The following FOCAD variants were observed in gnomAD, a reference collection of about 807,000 sequenced individuals.
FOCAD encodes focadhesin, also known as KIAA1797.
In FOCAD, 198 loss-of-function variants were observed where a neutral mutation model predicts 225.6. The ratio of observed to expected loss-of-function variants is 0.88; its 90% CI spans 0.78 to 0.99. The LOEUF is 0.99. Ranked by LOEUF, FOCAD falls within the 50% of genes least tolerant of loss-of-function variation. The pLI is 0.00. For synonymous variants in FOCAD, 897 were observed against 755.0 expected (o/e 1.19, Z -3.08); for missense variants, 2,713 against 2,123.6 (o/e 1.28, Z -5.46).
intron 5 of FOCAD, among the ~76,000 whole-genome samples, chr9:20,753,132 C>A (rs1045759648): frequency 1.3e-5 from 2 of 152,124 alleles, no homozygotes; most frequent in African/African-American, 4.8e-5. Context: ...TCCTCTTTTC[C>A]TAACTGAATA....
At chr9:20,662,738 C>T (rs1212997730) in intron 2 of FOCAD, among the ~76,000 whole-genome samples, 5 of 152,258 alleles carry the variant, frequency 3.3e-5, no homozygotes, top group African/African-American at 7.2e-5. Flanking sequence ...GCGTGAGCCA[C>T]GGCACCCAGC....
At chr9:20,966,050 C>A (rs1422057787) in intron 35 of FOCAD, among the ~76,000 whole-genome samples, 2 of 151,932 alleles carry the variant, frequency 1.3e-5, no homozygotes, top group Admixed American at 6.6e-5. Flanking sequence ...ATATATATAT[C>A]TAGAAGTGGA....
chr9:20,749,468 T>G lies in FOCAD; in HGVS notation c.393-8622T>G, dbSNP rs548653034. Among the ~76,000 whole-genome samples the G allele has an allele frequency of 1.6e-4, 25 of 152,304 alleles. 1 individual carries two copies. In the East Asian group the frequency reaches 4.8e-3, roughly 29 times the overall value. ...TATTATTTCTTCTTTATAGTGATAT[T>G]CATGGTGGAATCTTCATAATTTTTC... On this transcript the variant is annotated intron_variant, in intron 5 of 43. Coordinates refer to ENST00000338382, the MANE Select transcript of FOCAD (RefSeq NM_001375567.1).
intron 2 of FOCAD, among the ~76,000 whole-genome samples, chr9:20,667,259 A>T (rs1010331231): frequency 6.6e-6 from 1 of 152,228 alleles, no homozygotes; most frequent in Non-Finnish European, 1.5e-5. Context: ...TCACTACTCA[A>T]AATACTCTGA....
At position 20,926,178 on chromosome 9, in the gene FOCAD, G is replaced by A. The variant is rs925836646; in HGVS notation, c.2962-123G>A. 8 of 625,600 alleles carry A rather than the reference G, an allele frequency of 1.3e-5. 1 individual carries two copies. Among genetic ancestry groups the A allele is most frequent in the South Asian group, 5.8e-5 (3 of 51,322 alleles). The allele number at this position is 625,600 out of a possible 1,614,324, so 38.8% of individuals were successfully genotyped here. A position where few individuals can be genotyped will look rare whatever the true frequency, so the allele number is the denominator to read the frequency against. ...GTGCATGCTTATAGTCCAAGCAGATGAAGTTTACTTTTTGATAACAGCACT... is the reference window on the plus strand; with the variant it reads ...GTGCATGCTTATAGTCCAAGCAGATAAAGTTTACTTTTTGATAACAGCACT... On this transcript the variant is annotated intron_variant, in intron 25 of 43. Coordinates refer to ENST00000338382, the MANE Select transcript of FOCAD (RefSeq NM_001375567.1).
intron 35 of FOCAD, among the ~76,000 whole-genome samples, chr9:20,968,768 CACTCTAA>C (rs1178502331): frequency 4.6e-5 from 7 of 151,912 alleles, no homozygotes; most frequent in African/African-American, 1.5e-4. Context: ...TAATTATCTC[CACTCTAA>C]ACTTTATTAT....
chr9:20,967,853 A>C (rs1463251654), intron 35 of FOCAD, among the ~76,000 whole-genome samples: 1 of 152,090 alleles, frequency 6.6e-6, no homozygotes, highest in Non-Finnish European at 1.5e-5. Flanking sequence ...AATCTTTTTA[A>C]TATGCTGTTG....
intron 42 of FOCAD, 97 bp downstream of exon 42, chr9:20,990,471 A>G (rs527669339): frequency 1.4e-6 from 2 of 1,403,914 alleles, no homozygotes; most frequent in Admixed American, 2.1e-5. Context: ...TGCGTCTTGA[A>G]TCACACCACA....
chr9:20,737,145 C>T (rs988933748), intron 4 of FOCAD, among the ~76,000 whole-genome samples: 3 of 152,084 alleles, frequency 2.0e-5, no homozygotes, highest in Non-Finnish European at 4.4e-5. Context: ...TCTGGATCCA[C>T]AGATAAGAGT....
chr9:20,668,649 G>C (rs1821966321), intron 2 of FOCAD, among the ~76,000 whole-genome samples: 1 of 152,224 alleles, frequency 6.6e-6, no homozygotes, highest in Admixed American at 6.5e-5. Flanking sequence ...AGTCGTAATT[G>C]AATCTGTCAG....
chr9:20,868,859 T>A (rs1829515467), intron 18 of FOCAD, among the ~76,000 whole-genome samples: 1 of 152,108 alleles, frequency 6.6e-6, no homozygotes, highest in Non-Finnish European at 1.5e-5. Flanking sequence ...CAGCTTCTGA[T>A]ACTGAGGACC....
rs567363655 is a variant in FOCAD, at chr9:20,770,969, A to C, written c.906+731A>C. On this transcript the variant is annotated intron_variant, in intron 8 of 43. Coordinates refer to ENST00000338382, the MANE Select transcript of FOCAD (RefSeq NM_001375567.1). ...TTCTATGACCTCAAGAGACTTACAG[A>C]CATGCAAATAACTAAATTATAGTAC... Among the ~76,000 whole-genome samples the C allele has an allele frequency of 2.6e-5, 4 of 152,334 alleles. No individual in the cohort carries two copies. The South Asian group carries it at 8.3e-4, about 32-fold the overall frequency.
chr9:20,905,149 A>G (rs1243588293), intron 21 of FOCAD, among the ~76,000 whole-genome samples: 1 of 152,028 alleles, frequency 6.6e-6, no homozygotes, highest in East Asian at 1.9e-4. Context: ...AGTCTAGGGT[A>G]TAATCCCATA....
intron 25 of FOCAD, among the ~76,000 whole-genome samples, chr9:20,924,663 G>C (rs1834774561): frequency 3.9e-5 from 6 of 151,972 alleles, no homozygotes; most frequent in Admixed American, 3.9e-4. Context: ...GGGTTTTTTG[G>C]TGGTACACTA....
chr9:20,869,771 G>T (rs374620059), intron 18 of FOCAD, among the ~76,000 whole-genome samples: 2 of 152,098 alleles, frequency 1.3e-5, no homozygotes, highest in Admixed American at 6.6e-5. Flanking sequence ...TGCTAGGTCC[G>T]ATCTGAAGAG....
At chr9:20,941,185 A>C (rs575371955) in intron 28 of FOCAD, among the ~76,000 whole-genome samples, 3 of 152,134 alleles carry the variant, frequency 2.0e-5, no homozygotes, top group Non-Finnish European at 2.9e-5. Context: ...ATGCTTCCCG[A>C]TTTAATGGAC....
intron 1 of FOCAD, among the ~76,000 whole-genome samples, chr9:20,700,889 G>A (rs996650098): frequency 6.6e-6 from 1 of 152,182 alleles, no homozygotes; most frequent in African/African-American, 2.4e-5. Context: ...GACCCTGAAG[G>A]GGGTGAACAA....
chr9:20,840,464 G>C (rs1377265337), intron 15 of FOCAD, among the ~76,000 whole-genome samples: 7 of 148,496 alleles, frequency 4.7e-5, no homozygotes, highest in African/African-American at 1.7e-4. Flanking sequence ...TTTATGTAGA[G>C]ATCTTTTACT....
In FOCAD at chr9:20,838,600, A is replaced by G. The variant is rs187013648; in HGVS notation, c.1920+15485A>G. ...CCTCAATAGGAGTGCATTTCCTTCT[A>G]TTCCACTTGTTTGGCTCAGGTACTC... On this transcript the variant is annotated intron_variant, in intron 15 of 43. Transcript: ENST00000338382. Among the ~76,000 whole-genome samples the G allele has an allele frequency of 3.7e-3, 560 of 152,248 alleles. 4 individuals carry two copies. The highest frequency in any genetic ancestry group is 0.013 in the African/African-American group (535 of 41,566).
Sources: allele counts gnomAD v4.1 joint callset (sites outside exome capture counted in the v4.1 genomes callset), GRCh38; gene constraint gnomAD v4.1.1; transcripts MANE v1.5; gene names NCBI Gene and HGNC (gene_info 2026-07-23, HGNC 2026-07-21).